HSPA4: variants seen among roughly 807,000 people sequenced by gnomAD.
The protein encoded by HSPA4 is heat shock 70 kDa protein 4.
In HSPA4, 25 loss-of-function variants were observed where a neutral mutation model predicts 106.2. That is an observed-to-expected ratio of 0.24 (90% CI 0.17 to 0.33). HSPA4 has a LOEUF of 0.33. HSPA4 is among the 10% of genes least tolerant of loss of function. HSPA4 has a pLI of 1.00. For missense variants in HSPA4, 841 were observed against 996.0 expected (o/e 0.84, Z 2.10); for synonymous variants, 332 against 333.6 (o/e 1.00, Z 0.05).
chr5:133,101,521 C>A (rs1465874432), intron 16 of HSPA4: 3 of 384,752 alleles, frequency 7.8e-6, no homozygotes, highest in African/African-American at 4.2e-5. Flanking sequence ...TTGGTGGTCT[C>A]CCTGCTGTGT....
Position 133,102,993 on chromosome 5 carries a change from C to T in HSPA4, c.2158-872C>T, listed in dbSNP as rs144221643. On this transcript the variant is annotated intron_variant, in intron 17 of 18. Transcript: ENST00000304858. ...AACTTCTTAGCTCAAATGATCCACCCACCTCAACCTCCCAAAGTGCTAGGA... is the reference window on the plus strand; with the variant it reads ...AACTTCTTAGCTCAAATGATCCACCTACCTCAACCTCCCAAAGTGCTAGGA... Among the ~76,000 whole-genome samples, 71 of 141,190 alleles carry T rather than the reference C, an allele frequency of 5.0e-4. No individual in the cohort carries two copies. The East Asian group carries it at 9.0e-3, about 18-fold the overall frequency. 92.6% of individuals were successfully genotyped at this position (141,190 alleles called of 152,430 possible). A position where few individuals can be genotyped will look rare whatever the true frequency, so the allele number is the denominator to read the frequency against.
At chr5:133,092,813 T>TTGTTTTTTTTTTG (rs1765663730) in intron 13 of HSPA4, 24 bp downstream of exon 13, 1 of 550,228 alleles carries the variant, frequency 1.8e-6, no homozygotes, top group African/African-American at 5.9e-5. Flanking sequence ...GGTGTTTTTT[T>TTGTTTTTTTTTTG]TTTTTTTTTT....
chr5:133,059,231 T>C (rs968272041), intron 1 of HSPA4, among the ~76,000 whole-genome samples: 2 of 151,780 alleles, frequency 1.3e-5, no homozygotes, highest in Admixed American at 1.3e-4. Context: ...GCGGTTCGCC[T>C]GAGGTCAGGA....
chr5:133,056,789 C>T (rs985465521), intron 1 of HSPA4, among the ~76,000 whole-genome samples: 1 of 152,090 alleles, frequency 6.6e-6, no homozygotes, highest in South Asian at 2.1e-4. Context: ...GAATTCTTTA[C>T]ACAAATATAA....
chr5:133,063,410 C>G (rs981979108), intron 1 of HSPA4, among the ~76,000 whole-genome samples: 23 of 152,224 alleles, frequency 1.5e-4, no homozygotes, highest in South Asian at 6.2e-4. Flanking sequence ...TGAGCCACTG[C>G]GCCCAGCCAA....
At chr5:133,085,803 A>G (rs1424966273) in intron 7 of HSPA4, among the ~76,000 whole-genome samples, 1 of 146,792 alleles carries the variant, frequency 6.8e-6, no homozygotes, top group Non-Finnish European at 1.5e-5. Flanking sequence ...AAGGATGAAT[A>G]GTTGGAGCAC....
At position 133,105,018 on chromosome 5, in the gene HSPA4, T is replaced by C. The variant is rs1319758809; in HGVS notation, c.*582T>C. 1 of 152,532 alleles carries C rather than the reference T, an allele frequency of 6.6e-6. No individual in the cohort carries two copies. The highest frequency in any genetic ancestry group is 1.9e-4 in the East Asian group (1 of 5,200). The allele number at this position is 152,532 out of a possible 1,614,324, so 9.4% of individuals were successfully genotyped here. A position where few individuals can be genotyped will look rare whatever the true frequency, so the allele number is the denominator to read the frequency against. ...TCTCCCAATAAAAGGGCTCCCATTA[T>C]AAATGCCATGTACTTCTCTTGGGAA... On this transcript the variant is annotated 3_prime_UTR_variant, in exon 19 of 19. Transcript: ENST00000304858.
At chr5:133,060,393 C>T (rs376633018) in intron 1 of HSPA4, among the ~76,000 whole-genome samples, 7 of 150,616 alleles carry the variant, frequency 4.6e-5, no homozygotes, top group Non-Finnish European at 7.4e-5. Context: ...CGACGGAGTT[C>T]GCTCTGTCGC....
chr5:133,061,443 A>C (rs528400684), intron 1 of HSPA4, among the ~76,000 whole-genome samples: 1 of 151,230 alleles, frequency 6.6e-6, no homozygotes, highest in South Asian at 2.1e-4. Context: ...GTTGCTGTTC[A>C]TGACTTCTTC....
intron 16 of HSPA4, among the ~76,000 whole-genome samples, chr5:133,100,993 A>G (rs1469703106): frequency 6.6e-6 from 1 of 152,042 alleles, no homozygotes; most frequent in African/African-American, 2.4e-5. Context: ...TTTGTAGGGA[A>G]AGGGTCTCCC....
intron 4 of HSPA4, 147 bp from the exon 5 acceptor site, chr5:133,073,083 A>G: frequency 5.2e-6 from 3 of 577,224 alleles, no homozygotes; most frequent in Non-Finnish European, 9.1e-6. Context: ...ACTGCTTACT[A>G]AATATTCTAA....
chr5:133,087,119 G>A (rs1026230591), intron 8 of HSPA4, among the ~76,000 whole-genome samples: 2 of 151,928 alleles, frequency 1.3e-5, no homozygotes, highest in African/African-American at 4.9e-5. Flanking sequence ...TTATTTAATG[G>A]TGGTAAAAAT....
chr5:133,070,794 C>T (rs199993480), intron 4 of HSPA4, among the ~76,000 whole-genome samples: 7 of 151,802 alleles, frequency 4.6e-5, no homozygotes, highest in Middle Eastern at 3.2e-3. Flanking sequence ...CCCAGCTATT[C>T]GGGAGGCTGA....
At chr5:133,092,588 T>C in intron 12 of HSPA4, 112 bp from the exon 13 acceptor site, 1 of 754,550 alleles carries the variant, frequency 1.3e-6, no homozygotes, top group Non-Finnish European at 2.3e-6. Context: ...AGCATAGGCC[T>C]TCTGATTGCT....
chr5:133,090,937 A>G, intron 11 of HSPA4: 1 of 488,132 alleles, frequency 2.0e-6, no homozygotes, highest in Non-Finnish European at 3.8e-6. Flanking sequence ...TGGAAATAAG[A>G]AATTGGAAGA....
At chr5:133,067,598 A>G (rs754267578) in intron 3 of HSPA4, 41 bp downstream of exon 3, 2 of 1,488,954 alleles carry the variant, frequency 1.3e-6, no homozygotes, top group African/African-American at 2.8e-5. Context: ...AAAATGCATT[A>G]TTATATTTTA....
chr5:133,081,948 C>A (rs1304210961), intron 7 of HSPA4, among the ~76,000 whole-genome samples: 2 of 152,134 alleles, frequency 1.3e-5, no homozygotes, highest in African/African-American at 4.8e-5. Flanking sequence ...GAAATGGAAA[C>A]ACATGTCCAC....
intron 14 of HSPA4, 131 bp downstream of exon 14, chr5:133,096,381 T>C: frequency 1.2e-6 from 1 of 803,414 alleles, no homozygotes; most frequent in East Asian, 2.8e-5. Context: ...GACTTTTGTG[T>C]GGTATTGTAA....
At chr5:133,061,722 C>T (rs752640171) in intron 1 of HSPA4, among the ~76,000 whole-genome samples, 13 of 152,086 alleles carry the variant, frequency 8.5e-5, no homozygotes, top group African/African-American at 2.2e-4. Flanking sequence ...TGGGTTCAAG[C>T]GATTCTGGTG....
Sources: allele counts gnomAD v4.1 joint callset (sites outside exome capture counted in the v4.1 genomes callset), GRCh38; gene constraint gnomAD v4.1.1; transcripts MANE v1.5; gene names NCBI Gene and HGNC (gene_info 2026-07-23, HGNC 2026-07-21).